CSNK2A1: variants seen among roughly 807,000 people sequenced by gnomAD.
The protein encoded by CSNK2A1 is casein kinase 2 alpha 1.
In CSNK2A1, 10 loss-of-function variants were observed where a neutral mutation model predicts 62.9. The ratio of observed to expected loss-of-function variants is 0.16; its 90% CI spans 0.10 to 0.27. CSNK2A1 has a LOEUF of 0.27. Among genes scored for constraint, CSNK2A1 ranks in the 10% least tolerant of loss-of-function variants. The pLI is 1.00. For missense variants in CSNK2A1, 160 were observed against 492.0 expected (o/e 0.33, Z 6.38); for synonymous variants, 124 against 167.8 (o/e 0.74, Z 2.02).
intron 2 of CSNK2A1, among the ~76,000 whole-genome samples, chr20:521,491 T>C (rs573970406): frequency 6.6e-5 from 10 of 152,270 alleles, no homozygotes; most frequent in African/African-American, 2.4e-4. Context: ...TGGAAAACAG[T>C]TTGGCAGTTT....
intron 2 of CSNK2A1, among the ~76,000 whole-genome samples, chr20:527,553 T>C (rs1181562912): frequency 1.3e-5 from 2 of 152,210 alleles, no homozygotes; most frequent in East Asian, 1.9e-4. Flanking sequence ...AAGCACACTA[T>C]GAAGCATTCC....
At position 488,665 on chromosome 20, in the gene CSNK2A1, T is replaced by C; in HGVS notation, c.824+13A>G. The stretch of plus-strand genomic sequence containing the variant: ...TTAAGCCACAGATGCACATATTTTG[T>C]TTCATGACTTACCTGCCCAAGATAT... On this transcript the variant is annotated intron_variant, in intron 11 of 13. Coordinates refer to ENST00000217244, the MANE Select transcript of CSNK2A1 (RefSeq NM_177559.3). 1 of 1,612,404 alleles carries C rather than the reference T, an allele frequency of 6.2e-7. No individual in the cohort carries two copies. The highest frequency in any genetic ancestry group is 8.5e-7 in the Non-Finnish European group (1 of 1,178,982).
intron 1 of CSNK2A1, among the ~76,000 whole-genome samples, chr20:541,481 G>A (rs1449792802): frequency 1.3e-5 from 2 of 152,152 alleles, no homozygotes; most frequent in Non-Finnish European, 2.9e-5. Context: ...CTTATGTGAA[G>A]TAAAGTATAT....
intron 8 of CSNK2A1, among the ~76,000 whole-genome samples, chr20:493,258 G>C (rs157814): frequency 0.48 from 73,094 of 151,826 alleles, 19,354 homozygotes; most frequent in East Asian, 0.7. Context: ...CTATCATATT[G>C]TGACCATTAT....
rs113630507 is a variant in CSNK2A1, at chr20:524,557, A to G, written c.-110+3376T>C. ...CGAAACCTCATCTCTACTTAAAAAC[A>G]ACAACAACAACAAAACACAAAAATT... On this transcript the variant is annotated intron_variant, in intron 2 of 13. Coordinates refer to ENST00000217244, the MANE Select transcript of CSNK2A1 (RefSeq NM_177559.3). Among the ~76,000 whole-genome samples, 138 of 150,090 alleles carry G rather than the reference A, an allele frequency of 9.2e-4. 1 individual carries two copies. The highest frequency in any genetic ancestry group is 3.2e-3 in the African/African-American group (132 of 40,874).
intron 13 of CSNK2A1, among the ~76,000 whole-genome samples, chr20:486,144 A>G (rs1470154259): frequency 6.6e-6 from 1 of 152,144 alleles, no homozygotes; most frequent in Non-Finnish European, 1.5e-5. Context: ...TCAAGCCCCT[A>G]TGCCAAAAAT....
chr20:521,580 C>T (rs1429691629), intron 2 of CSNK2A1, among the ~76,000 whole-genome samples: 2 of 151,194 alleles, frequency 1.3e-5, no homozygotes, highest in African/African-American at 2.4e-5. Flanking sequence ...AACGGAAACC[C>T]GTATCTACAC....
chr20:500,823 G>GTATTTT (rs2018451490), intron 4 of CSNK2A1: 7 of 151,920 alleles, frequency 4.6e-5, no homozygotes, highest in Non-Finnish European at 1.0e-4. Context: ...ATTTTTAGTA[G>GTATTTT]AGACGGGGTT....
chr20:510,414 A>C (rs1244316598), intron 2 of CSNK2A1: 1 of 152,110 alleles, frequency 6.6e-6, no homozygotes. Context: ...ACCTCAGGTG[A>C]TCCGCCCTCC....
At chr20:484,947 G>GTCCCAGCTA (rs1226339029) in intron 13 of CSNK2A1, among the ~76,000 whole-genome samples, 1 of 148,600 alleles carries the variant, frequency 6.7e-6, no homozygotes, top group Non-Finnish European at 1.5e-5. Flanking sequence ...GGCGCCTGTA[G>GTCCCAGCTA]TCCCAGCTAC....
chr20:539,147 T>C (rs1156871050), intron 1 of CSNK2A1: 1 of 152,248 alleles, frequency 6.6e-6, no homozygotes, highest in Non-Finnish European at 1.5e-5. Flanking sequence ...TTGTTTTCCA[T>C]TGTGTCATAA....
At chr20:510,652 T>C (rs892265894) in intron 2 of CSNK2A1, among the ~76,000 whole-genome samples, 4 of 152,212 alleles carry the variant, frequency 2.6e-5, no homozygotes, top group African/African-American at 9.6e-5. Flanking sequence ...GGGTAAAATA[T>C]TACAATAGGT....
Position 499,572 on chromosome 20 carries a change from A to G in CSNK2A1, c.315+261T>C. The G allele has an allele frequency of 1.8e-6, 1 of 558,320 alleles. No homozygotes were observed. Among genetic ancestry groups the G allele is most frequent in the Non-Finnish European group, 3.1e-6 (1 of 319,626 alleles). The allele number at this position is 558,320 out of a possible 1,614,324, so 34.6% of individuals were successfully genotyped here. On this transcript the variant is annotated intron_variant, in intron 5 of 13. Transcript: ENST00000217244. This position sits in a 1 kb window ranked among gnomAD's most constrained non-coding sequence, Gnocchi z 4.2. ...TGCGCCCATCGCCCATCGGCATCGG[A>G]CCTGAGTTTGCAAAATGGATTAACA...
intron 6 of CSNK2A1, chr20:498,366 G>A (rs999544693): frequency 2.9e-5 from 4 of 137,964 alleles, no homozygotes; most frequent in Non-Finnish European, 4.6e-5. Flanking sequence ...TTGAGACAGG[G>A]TCCTCACTCT....
chr20:501,887 G>T (rs1399749981), intron 4 of CSNK2A1: 2 of 152,022 alleles, frequency 1.3e-5, no homozygotes, highest in Non-Finnish European at 2.9e-5. Context: ...GGAAACGGGG[G>T]ATTTATTTTT....
chr20:542,561 T>C (rs916342376), intron 1 of CSNK2A1, among the ~76,000 whole-genome samples: 1 of 152,074 alleles, frequency 6.6e-6, no homozygotes, highest in African/African-American at 2.4e-5. Context: ...GCCTCCCGAG[T>C]AGCTGGGATT....
chr20:531,501 T>C (rs2019211597), intron 1 of CSNK2A1, among the ~76,000 whole-genome samples: 1 of 152,186 alleles, frequency 6.6e-6, no homozygotes. Context: ...GAACTGAAAA[T>C]GCAGCTCAAC....
chr20:511,597 TGTTTATTTAATTTAG>T (rs2018719693), intron 2 of CSNK2A1, among the ~76,000 whole-genome samples: 1 of 152,202 alleles, frequency 6.6e-6, no homozygotes, highest in East Asian at 1.9e-4. Context: ...TCCTTTGTTT[TGTTTATTTAATTTAG>T]CATAATGTCT....
At chr20:505,368 T>G in intron 3 of CSNK2A1, 139 bp from the exon 4 acceptor site, 1 of 715,712 alleles carries the variant, frequency 1.4e-6, no homozygotes, top group Non-Finnish European at 2.2e-6. Context: ...TTTTTTTTTT[T>G]TTTTTTTTGG....
Sources: allele counts gnomAD v4.1 joint callset (sites outside exome capture counted in the v4.1 genomes callset), GRCh38; gene constraint gnomAD v4.1.1; non-coding constraint Gnocchi (gnomAD v3.1); transcripts MANE v1.5; gene names NCBI Gene and HGNC (gene_info 2026-07-23, HGNC 2026-07-21).